The following UGT3A1 variants were observed in gnomAD, a reference collection of about 807,000 sequenced individuals.
UGT3A1 encodes UDP-glycosyltransferase 3A1.
A neutral mutation model predicts 37.6 loss-of-function variants in UGT3A1; 40 were observed. The ratio of observed to expected loss-of-function variants is 1.06; its 90% CI spans 0.83 to 1.38. The LOEUF (loss-of-function observed/expected upper bound fraction) is 1.38, where lower values mean the gene tolerates loss of function less well. Among genes scored for constraint, UGT3A1 ranks in the 40% most tolerant of loss-of-function variants. The pLI is 0.00. For synonymous variants in UGT3A1, 256 were observed against 232.3 expected (o/e 1.10, Z -0.93); for missense variants, 642 against 634.2 (o/e 1.01, Z -0.13).
rs1386290566 is a variant in UGT3A1, at chr5:35,954,402, AG to A, written c.1371del (p.Trp458GlyfsTer63). ...CCAGTCTGGAGGATGTGGTCGATCC[AG>A]CCCACCAGCCGCTGTGCGGGGCTCA... Reference protein sequence around the residue: ...QPLSPAQRLVGWIDHILQTGG... With the variant: ...QPLSPAQRLVXWIDHILQTGG... On this transcript the variant is annotated frameshift_variant, in exon 7 of 7. Transcript: ENST00000274278. LOFTEE classifies it low-confidence loss of function (END_TRUNC). The A allele has an allele frequency of 6.2e-7, 1 of 1,614,204 alleles. No homozygotes were observed. Among genetic ancestry groups the A allele is most frequent in the East Asian group, 2.2e-5 (1 of 44,874 alleles).
intron 1 of UGT3A1, among the ~76,000 whole-genome samples, chr5:36,000,507 G>T (rs967335755): frequency 6.6e-6 from 1 of 152,238 alleles, no homozygotes; most frequent in Middle Eastern, 3.4e-3. Flanking sequence ...CAAAATTAGA[G>T]GGTTTAGACT....
intron 3 of UGT3A1, 29 bp downstream of exon 3, chr5:35,967,990 C>A: frequency 6.5e-7 from 1 of 1,542,870 alleles, no homozygotes; most frequent in Non-Finnish European, 8.9e-7. Context: ...AATAGTGACT[C>A]TTTGCTTCAT....
intron 2 of UGT3A1, among the ~76,000 whole-genome samples, chr5:35,969,887 T>C (rs1739965143): frequency 6.6e-6 from 1 of 152,178 alleles, no homozygotes; most frequent in African/African-American, 2.4e-5. Flanking sequence ...ACTAAATACC[T>C]GTATTAGTCT....
At chr5:35,986,867 T>C (rs114119383) in intron 2 of UGT3A1, among the ~76,000 whole-genome samples, 1,688 of 152,190 alleles carry the variant, frequency 0.011, 37 homozygotes, top group African/African-American at 0.038. Context: ...ATATTTAAGG[T>C]CATGCATATC....
At chr5:35,959,293 A>G (rs1475820735) in intron 4 of UGT3A1, among the ~76,000 whole-genome samples, 1 of 152,254 alleles carries the variant, frequency 6.6e-6, no homozygotes, top group African/African-American at 2.4e-5. Flanking sequence ...CACAAGGCAT[A>G]CAAAGAAATA....
chr5:35,980,676 G>T (rs562496086), intron 2 of UGT3A1, among the ~76,000 whole-genome samples: 3 of 152,166 alleles, frequency 2.0e-5, no homozygotes, highest in Non-Finnish European at 4.4e-5. Flanking sequence ...AGCTTTCCAA[G>T]CAGCTGGAAA....
chr5:35,951,423 C>A lies in UGT3A1; in HGVS notation c.*2779G>T, dbSNP rs1739198752. 1 of 152,058 alleles carries A rather than the reference C, an allele frequency of 6.6e-6. No homozygotes were observed. The highest frequency in any genetic ancestry group is 2.4e-5 in the African/African-American group (1 of 41,412). The allele number at this position is 152,058 out of a possible 1,614,324, so 9.4% of individuals were successfully genotyped here. ...TTTTCTTATAAAAAAAAGGATACAT[C>A]CTATAGTTACTCTTACTCTTTGCTA... On this transcript the variant is annotated 3_prime_UTR_variant, in exon 7 of 7. Transcript: ENST00000274278.
intron 6 of UGT3A1, among the ~76,000 whole-genome samples, 185 bp from the exon 7 acceptor site, chr5:35,954,663 A>G (rs1739286136): frequency 1.3e-5 from 2 of 152,262 alleles, no homozygotes; most frequent in African/African-American, 4.8e-5. Flanking sequence ...TGAAAAGTTC[A>G]ATAAAAACAC....
In UGT3A1 at chr5:35,988,445, G is replaced by C; in HGVS notation, c.196+5C>G. 6.3e-7 allele frequency: 1 copy of C among 1,589,024 alleles called. No individual in the cohort carries two copies. Among genetic ancestry groups the C allele is most frequent in the Non-Finnish European group, 8.5e-7 (1 of 1,170,584 alleles). On this transcript the variant is annotated splice_donor_5th_base_variant and intron_variant, in intron 2 of 6. Coordinates refer to ENST00000274278, the MANE Select transcript of UGT3A1 (RefSeq NM_152404.4). ...AATATAAAAATTAGTTTTTAAAAAA[G>C]ATACCTGGGATCAAAAACTTTCCAC... is the stretch of plus-strand genomic sequence containing the variant.
chr5:35,986,612 G>T (rs905603106), intron 2 of UGT3A1, among the ~76,000 whole-genome samples: 2 of 152,118 alleles, frequency 1.3e-5, no homozygotes, highest in Non-Finnish European at 2.9e-5. Context: ...ATATGCAGTA[G>T]CTTACAAAAG....
intron 2 of UGT3A1, among the ~76,000 whole-genome samples, chr5:35,969,955 G>T (rs995744972): frequency 6.6e-6 from 1 of 152,160 alleles, no homozygotes; most frequent in Non-Finnish European, 1.5e-5. Flanking sequence ...GAGGAAAAAG[G>T]ATTTAATAGA....
chr5:35,991,153 T>C lies in UGT3A1; in HGVS notation c.88A>G (p.Thr30Ala). 4 of 1,614,186 alleles carry C rather than the reference T, an allele frequency of 2.5e-6. No individual in the cohort carries two copies. Among genetic ancestry groups the C allele is most frequent in the East Asian group, 2.2e-5 (1 of 44,876 alleles). Residue 30 changes from threonine to alanine, a missense_variant, in exon 1 of 7, where the codon ACA becomes GCA. By Grantham distance (58) the Thr-to-Ala change is moderately conservative. Coordinates refer to ENST00000274278, the MANE Select transcript of UGT3A1 (RefSeq NM_152404.4). ...SEAAKILTIS[T>A]LGGSHYLLLD... ...TCTCCGGCCAAGCACTCACCCAGTG[T>C]AGATATTGTCAGGATTTTGGCAGCC...
chr5:35,962,706 A>T (rs1210924047), intron 4 of UGT3A1: 1 of 578,578 alleles, frequency 1.7e-6, no homozygotes. Flanking sequence ...GCCAGATGGT[A>T]TCACAATGAA....
upstream of UGT3A1, among the ~76,000 whole-genome samples, chr5:35,994,683 G>C (rs913229903): frequency 2.0e-5 from 3 of 152,106 alleles, no homozygotes; most frequent in Admixed American, 1.3e-4. Context: ...CGCAACATGT[G>C]TGGACTGAAC....
Position 35,965,654 on chromosome 5 carries a change from G to A in UGT3A1, c.575C>T (p.Thr192Ile), listed in dbSNP as rs1340783485. 1 of 1,614,216 alleles carries A rather than the reference G, an allele frequency of 6.2e-7. No individual in the cohort carries two copies. ...TCGGCCCCAGAAGTCCATGTGATCA[G>A]TCAGCAAGGAAGGGAATACTGGAAC... is the stretch of plus-strand genomic sequence containing the variant. ...SYVPVFPSLL[T>I]DHMDFWGRVK... The change falls in exon 4 of 7, where the codon ACT (threonine) becomes ATT (isoleucine). Residue 192 changes from threonine (T) to isoleucine (I), a missense_variant. Coordinates refer to ENST00000274278, the MANE Select transcript of UGT3A1 (RefSeq NM_152404.4).
chr5:35,978,193 C>G (rs1740372655), intron 2 of UGT3A1, among the ~76,000 whole-genome samples: 1 of 152,048 alleles, frequency 6.6e-6, no homozygotes, highest in African/African-American at 2.4e-5. Flanking sequence ...CACCTCCAGG[C>G]CTGGCTAATT....
intron 1 of UGT3A1, among the ~76,000 whole-genome samples, chr5:35,998,420 C>G (rs1357959084): frequency 1.3e-5 from 2 of 152,206 alleles, no homozygotes; most frequent in Non-Finnish European, 2.9e-5. Flanking sequence ...TTTTGTGCTG[C>G]ATTCTCTGGA....
chr5:35,964,399 C>T (rs1739713076), intron 4 of UGT3A1, among the ~76,000 whole-genome samples: 1 of 152,034 alleles, frequency 6.6e-6, no homozygotes, highest in South Asian at 2.1e-4. Flanking sequence ...TGTTAGGTCC[C>T]CCGCTCCCTG....
Position 35,968,148 on chromosome 5 carries a change from A to T in UGT3A1, c.197-15T>A. On this transcript the variant is annotated splice_polypyrimidine_tract_variant and intron_variant, in intron 2 of 6. Transcript: ENST00000274278. ...CTCTTTAATATCTAAGAAAACACCAATTGGTTAAAAAGGTAAATATATCAT... is the reference window on the plus strand; with the variant it reads ...CTCTTTAATATCTAAGAAAACACCATTTGGTTAAAAAGGTAAATATATCAT... The T allele has an allele frequency of 6.6e-7, 1 of 1,525,678 alleles. No homozygotes were observed. The highest frequency in any genetic ancestry group is 9.1e-7 in the Non-Finnish European group (1 of 1,103,714). The allele number at this position is 1,525,678 out of a possible 1,614,324, so 94.5% of individuals were successfully genotyped here. A position where few individuals can be genotyped will look rare whatever the true frequency, so the allele number is the denominator to read the frequency against.
Sources: allele counts gnomAD v4.1 joint callset (sites outside exome capture counted in the v4.1 genomes callset), GRCh38; gene constraint gnomAD v4.1.1; transcripts MANE v1.5; gene names NCBI Gene and HGNC (gene_info 2026-07-23, HGNC 2026-07-21).